The following TLN2 variants were observed in gnomAD, a reference collection of about 807,000 sequenced individuals.
The protein encoded by TLN2 is talin-2.
A neutral mutation model predicts 294.7 loss-of-function variants in TLN2; 118 were observed. That is an observed-to-expected ratio of 0.40 (90% CI 0.34 to 0.47). TLN2 has a LOEUF of 0.47. Among genes scored for constraint, TLN2 ranks in the 20% least tolerant of loss-of-function variants. TLN2 has a pLI of 0.84. For missense variants in TLN2, 3,083 were observed against 3,282.2 expected (o/e 0.94, Z 1.48); for synonymous variants, 1,431 against 1,304.5 (o/e 1.10, Z -2.09).
chr15:62,435,687 G>T (rs993567203), intron 1 of TLN2, among the ~76,000 whole-genome samples: 1 of 152,038 alleles, frequency 6.6e-6, no homozygotes, highest in African/African-American at 2.4e-5. Flanking sequence ...GATTACAGGC[G>T]CCTACCACCT....
rs1006674718 is a variant in TLN2 at position 62,838,967 on chromosome 15, G to A, written c.7486G>A (p.Gly2496Arg). Residue 2496 changes from glycine to arginine, a missense_variant, in exon 58 of 59, where the codon GGG (glycine) becomes AGG (arginine). By Grantham distance (125) the Gly-to-Arg change is moderately radical. Coordinates refer to ENST00000636159, the MANE Select transcript of TLN2 (RefSeq NM_015059.3). ...DDVVVKTKFV[G>R]GIAQIIAAQE... ...TGTTGTAGTGAAAACCAAGTTTGTGGGGGGCATTGCTCAGGTTTGTAATTA... is the reference window on the plus strand; with the variant it reads ...TGTTGTAGTGAAAACCAAGTTTGTGAGGGGCATTGCTCAGGTTTGTAATTA... 1 of 1,614,106 alleles carries A rather than the reference G, an allele frequency of 6.2e-7. No homozygotes were observed. The highest frequency in any genetic ancestry group is 8.5e-7 in the Non-Finnish European group (1 of 1,180,008).
chr15:62,578,154 T>G (rs192590744), intron 1 of TLN2, among the ~76,000 whole-genome samples: 2 of 152,344 alleles, frequency 1.3e-5, no homozygotes, highest in Admixed American at 6.5e-5. Context: ...CAATAAACAT[T>G]GTATGTATTT....
chr15:62,488,971 G>A (rs1188938579), intron 1 of TLN2, among the ~76,000 whole-genome samples: 1 of 152,188 alleles, frequency 6.6e-6, no homozygotes. Flanking sequence ...GACCAGCCTG[G>A]CCAATATGGT....
intron 54 of TLN2, chr15:62,828,846 G>C (rs1006461945): frequency 4.6e-5 from 7 of 152,158 alleles, no homozygotes; most frequent in Non-Finnish European, 7.4e-5. Context: ...CTGATTTTGT[G>C]CTAGAGAAAC....
intron 32 of TLN2, among the ~76,000 whole-genome samples, chr15:62,742,423 T>G (rs2061390963): frequency 6.6e-6 from 1 of 152,160 alleles, no homozygotes; most frequent in Non-Finnish European, 1.5e-5. Flanking sequence ...ATCTTCAATT[T>G]TTTGCATCAT....
chr15:62,748,635 A>G (rs1477397914), intron 33 of TLN2, among the ~76,000 whole-genome samples, 191 bp downstream of exon 33: 1 of 152,234 alleles, frequency 6.6e-6, no homozygotes, highest in Admixed American at 6.5e-5. Flanking sequence ...AAAGAAACTG[A>G]AGAGAAACTA....
intron 8 of TLN2, among the ~76,000 whole-genome samples, chr15:62,657,436 G>A (rs569489638): frequency 1.9e-4 from 29 of 152,114 alleles, no homozygotes; most frequent in African/African-American, 5.5e-4. Flanking sequence ...TTTGTCTTTT[G>A]GCCTCTTTGA....
chr15:62,489,890 G>A (rs751888829), intron 1 of TLN2, among the ~76,000 whole-genome samples: 15 of 152,180 alleles, frequency 9.9e-5, no homozygotes, highest in Non-Finnish European at 1.8e-4. Flanking sequence ...TGTTGGAATG[G>A]GTCCTCAGCC....
chr15:62,411,447 G>A (rs931603213), intron 1 of TLN2, among the ~76,000 whole-genome samples: 46 of 151,398 alleles, frequency 3.0e-4, no homozygotes, highest in Non-Finnish European at 5.5e-4. Context: ...GTGTGTGTGT[G>A]TGTGTGTGTG....
At chr15:62,803,001 G>A (rs926307852) in intron 50 of TLN2, among the ~76,000 whole-genome samples, 2 of 152,142 alleles carry the variant, frequency 1.3e-5, no homozygotes, top group Non-Finnish European at 2.9e-5. Flanking sequence ...GTTTGCAACT[G>A]TTTTCTCCCG....
intron 1 of TLN2, among the ~76,000 whole-genome samples, chr15:62,461,810 G>A (rs964645659): frequency 2.6e-5 from 4 of 152,220 alleles, no homozygotes; most frequent in Non-Finnish European, 4.4e-5. Flanking sequence ...AGAAATTGCT[G>A]GTGGCTCAAG....
At chr15:62,460,664 G>T (rs576340072) in intron 1 of TLN2, among the ~76,000 whole-genome samples, 1 of 152,166 alleles carries the variant, frequency 6.6e-6, no homozygotes, top group Admixed American at 6.5e-5. Context: ...GGAATCTTTA[G>T]CTGGCTTTAT....
intron 28 of TLN2, among the ~76,000 whole-genome samples, chr15:62,734,496 C>A (rs2060901070): frequency 6.6e-6 from 1 of 152,204 alleles, no homozygotes; most frequent in African/African-American, 2.4e-5. Flanking sequence ...ACATCTGGCG[C>A]TTTTCTGAGC....
chr15:62,588,241 T>C (rs2045785735), intron 1 of TLN2, among the ~76,000 whole-genome samples: 1 of 152,252 alleles, frequency 6.6e-6, no homozygotes. Flanking sequence ...CTTGCTGTTA[T>C]ATTTTTTAAG....
intron 2 of TLN2, among the ~76,000 whole-genome samples, chr15:62,599,129 A>G (rs1266360353): frequency 6.6e-6 from 1 of 152,206 alleles, no homozygotes; most frequent in Admixed American, 6.5e-5. Context: ...TTTTCCAAAC[A>G]TCTTGGCCAA....
At chr15:62,805,824 C>A in intron 51 of TLN2, 39 bp downstream of exon 51, 1 of 1,589,790 alleles carries the variant, frequency 6.3e-7, no homozygotes, top group Non-Finnish European at 8.6e-7. Context: ...ACAGATGATT[C>A]TCTGTCGTGA....
chr15:62,625,740 T>A (rs1032817084), intron 3 of TLN2, among the ~76,000 whole-genome samples: 4 of 152,210 alleles, frequency 2.6e-5, no homozygotes, highest in African/African-American at 9.6e-5. Context: ...AGAATAAGAC[T>A]CTCTCAAATC....
At chr15:62,441,071 C>T (rs976047437) in intron 1 of TLN2, among the ~76,000 whole-genome samples, 18 of 152,114 alleles carry the variant, frequency 1.2e-4, no homozygotes, top group African/African-American at 4.3e-4. Context: ...CCTGATGAAG[C>T]TCATTTCCTA....
intron 29 of TLN2, 150 bp downstream of exon 29, chr15:62,737,236 T>C: frequency 1.3e-6 from 1 of 775,416 alleles, no homozygotes; most frequent in East Asian, 2.7e-5. Flanking sequence ...ATGCTGGCCA[T>C]ACATGATACT....
Sources: gnomAD v4.1 joint callset for allele counts (sites outside exome capture counted in the v4.1 genomes callset) on GRCh38, gnomAD v4.1.1 for gene constraint, MANE v1.5 for transcripts, NCBI Gene and HGNC (gene_info 2026-07-23, HGNC 2026-07-21) for gene names.